Variants in PCTP observed in about 807,000 individuals in gnomAD.
PCTP encodes the protein START domain-containing protein 2.
A neutral mutation model predicts 31.0 loss-of-function variants in PCTP; 27 were observed. The observed-to-expected ratio is 0.87, with a 90% CI of 0.64 to 1.20. The LOEUF is 1.20. PCTP is among the 50% of genes most tolerant of loss of function. The pLI is 0.00. For missense variants in PCTP, 287 were observed against 268.2 expected (o/e 1.07, Z -0.49); for synonymous variants, 108 against 101.2 (o/e 1.07, Z -0.40).
chr17:55,778,135 G>C (rs901046706), downstream of PCTP, among the ~76,000 whole-genome samples: 1 of 150,920 alleles, frequency 6.6e-6, no homozygotes, highest in Non-Finnish European at 1.5e-5. Context: ...TGCTAATTTA[G>C]AGTAGTGGAC....
intron 5 of PCTP, among the ~76,000 whole-genome samples, chr17:55,833,079 G>C (rs1905658486): frequency 6.6e-6 from 1 of 152,112 alleles, no homozygotes; most frequent in Non-Finnish European, 1.5e-5. Flanking sequence ...GAGGTGGTTA[G>C]AGATGGTCTT....
downstream of PCTP, among the ~76,000 whole-genome samples, chr17:55,782,205 T>A (rs1012104280): frequency 6.6e-6 from 1 of 152,212 alleles, no homozygotes; most frequent in Non-Finnish European, 1.5e-5. Flanking sequence ...GGCTTTCAGC[T>A]GACTGGATGA....
chr17:55,795,762 A>G (rs1035176483), intron 3 of PCTP, among the ~76,000 whole-genome samples: 1 of 152,074 alleles, frequency 6.6e-6, no homozygotes, highest in Admixed American at 6.6e-5. Flanking sequence ...GGAAATAAAC[A>G]ATCATAATAG....
At chr17:55,822,036 T>A (rs1913131244) in intron 3 of PCTP, among the ~76,000 whole-genome samples, 1 of 152,172 alleles carries the variant, frequency 6.6e-6, no homozygotes, top group Non-Finnish European at 1.5e-5. Flanking sequence ...GAGGTGAGAC[T>A]CTTGACCCTC....
At chr17:55,786,183 T>C (rs1252957336) in intron 2 of PCTP, among the ~76,000 whole-genome samples, 1 of 151,486 alleles carries the variant, frequency 6.6e-6, no homozygotes, top group Non-Finnish European at 1.5e-5. Context: ...ACTCGGGAGC[T>C]GAGGCACGAA....
chr17:55,774,277 G>A (rs1040428138), intron 4 of PCTP, among the ~76,000 whole-genome samples: 1 of 152,150 alleles, frequency 6.6e-6, no homozygotes, highest in African/African-American at 2.4e-5. Flanking sequence ...CTCTGGCTCA[G>A]TACCAACTCA....
At chr17:55,774,758 CT>C in intron 4 of PCTP, 33 bp from the exon 5 acceptor site, 1 of 1,553,750 alleles carries the variant, frequency 6.4e-7, no homozygotes, top group Non-Finnish European at 8.9e-7. Flanking sequence ...GGTATTTTTC[CT>C]TTTTCTGAAT....
chr17:55,757,974 C>G (rs1335366684), intron 1 of PCTP, among the ~76,000 whole-genome samples: 1 of 152,166 alleles, frequency 6.6e-6, no homozygotes, highest in African/African-American at 2.4e-5. Context: ...GTCCCCTGAG[C>G]AGTGCTGAGA....
chr17:55,765,225 G>C (rs1348284937), intron 1 of PCTP, among the ~76,000 whole-genome samples: 1 of 152,160 alleles, frequency 6.6e-6, no homozygotes, highest in Admixed American at 6.5e-5. Context: ...GTTTCACTAT[G>C]CCACATGGCT....
At chr17:55,783,772 G>C (rs895971027) in intron 2 of PCTP, among the ~76,000 whole-genome samples, 10 of 152,134 alleles carry the variant, frequency 6.6e-5, no homozygotes, top group African/African-American at 2.2e-4. Flanking sequence ...ACACAGTTTG[G>C]CTCATGTTCC....
At chr17:55,815,834 A>G (rs1221283905) in intron 3 of PCTP, among the ~76,000 whole-genome samples, 1 of 152,138 alleles carries the variant, frequency 6.6e-6, no homozygotes, top group African/African-American at 2.4e-5. Context: ...TTATTTATTC[A>G]GTTATTAGGA....
chr17:55,851,046 C>A, the PCTP span, among the ~76,000 whole-genome samples: 2 of 152,140 alleles, frequency 1.3e-5, no homozygotes, highest in African/African-American at 4.8e-5. Flanking sequence ...ATATGGAAAC[C>A]AATATCTTCT....
At position 55,774,819 on chromosome 17, in the gene PCTP, G is replaced by A; in HGVS notation, c.539G>A (p.Gly180Asp). 4 of 1,603,226 alleles carry A rather than the reference G, an allele frequency of 2.5e-6. No homozygotes were observed. The highest frequency in any genetic ancestry group is 3.4e-6 in the Non-Finnish European group (4 of 1,174,230). The change falls in exon 5 of 6, where the codon GGT becomes GAT. Residue 180 changes from glycine to aspartate, a missense_variant. By Grantham distance (94) the Gly-to-Asp change is moderately conservative (BLOSUM62 -1). Transcript: ENST00000268896. ...KVFMYYFDNP[G>D]GQIPSWLINW... ...TTCATGTATTACTTCGATAACCCGG[G>A]TGGCCAAATTCCGTCCTGGCTCATT...
chr17:55,851,301 C>T, the PCTP span, among the ~76,000 whole-genome samples: 1 of 152,100 alleles, frequency 6.6e-6, no homozygotes, highest in Non-Finnish European at 1.5e-5. Context: ...CCAGGAAATT[C>T]AGAACATTTC....
chr17:55,814,426 C>T (rs114836024), intron 3 of PCTP, among the ~76,000 whole-genome samples: 4,081 of 152,312 alleles, frequency 0.027, 185 homozygotes, highest in African/African-American at 0.093. Flanking sequence ...CTCTGCCCTC[C>T]GGAGGCTTGG....
downstream of PCTP, among the ~76,000 whole-genome samples, chr17:55,781,386 T>A (rs1032699841): frequency 6.6e-6 from 1 of 152,242 alleles, no homozygotes; most frequent in Non-Finnish European, 1.5e-5. Flanking sequence ...CTCTAAGATA[T>A]TCCTTGGATT....
At chr17:55,770,770 A>G in intron 2 of PCTP, 1 of 180,082 alleles carries the variant, frequency 5.6e-6, no homozygotes, top group Non-Finnish European at 1.1e-5. Context: ...GCTGGAGTGC[A>G]GTGGTGCAAT....
At chr17:55,826,896 C>T (rs1379672044), downstream of PCTP, among the ~76,000 whole-genome samples, 1 of 152,212 alleles carries the variant, frequency 6.6e-6, no homozygotes. Context: ...CTCCAACACA[C>T]ACCAGCCCCT....
At chr17:55,796,985 A>C (rs1006980279) in intron 3 of PCTP, among the ~76,000 whole-genome samples, 16 of 152,092 alleles carry the variant, frequency 1.1e-4, no homozygotes, top group African/African-American at 3.8e-4. Flanking sequence ...TAGTTCAAGG[A>C]TAATATTACT....
Sources: gnomAD v4.1 joint callset for allele counts (sites outside exome capture counted in the v4.1 genomes callset) on GRCh38, gnomAD v4.1.1 for gene constraint, MANE v1.5 for transcripts, NCBI Gene and HGNC (gene_info 2026-07-23, HGNC 2026-07-21) for gene names.